The following PRKG1 variants were observed in gnomAD, a reference collection of about 807,000 sequenced individuals.
PRKG1 encodes protein kinase cGMP-dependent 1, also known as cGMP-dependent protein kinase 1.
In PRKG1, 35 loss-of-function variants were observed where a neutral mutation model predicts 88.1. That is an observed-to-expected ratio of 0.40 (90% confidence interval 0.30 to 0.53). The LOEUF (loss-of-function observed/expected upper bound fraction) is 0.53. PRKG1 is among the 20% of genes least tolerant of loss of function. The pLI is 0.59. For synonymous variants in PRKG1, 303 were observed against 292.5 expected, an observed-to-expected ratio of 1.04 and a Z score of -0.37; for missense variants, 540 against 839.8, an observed-to-expected ratio of 0.64 and a Z score of 4.41.
At chr10:51,931,775 A>C (rs1252210807) in intron 5 of PRKG1, among the ~76,000 whole-genome samples, 4 of 152,200 alleles carry the variant, frequency 2.6e-5, no homozygotes, top group Non-Finnish European at 4.4e-5. Context: ...ATAGTAAATA[A>C]ATGTTTATAA....
chr10:51,508,347 C>T (rs528815513), intron 3 of PRKG1, among the ~76,000 whole-genome samples: 5 of 152,180 alleles, frequency 3.3e-5, no homozygotes, highest in African/African-American at 1.2e-4. Flanking sequence ...TAGGGACTTT[C>T]ATGATAATAT....
chr10:51,949,152 T>A (rs1843126160), intron 5 of PRKG1, among the ~76,000 whole-genome samples: 1 of 152,168 alleles, frequency 6.6e-6, no homozygotes, highest in Admixed American at 6.6e-5. Flanking sequence ...AATGAAGGTG[T>A]CCATATAAAC....
intron 9 of PRKG1, among the ~76,000 whole-genome samples, chr10:52,229,189 A>G (rs767261517): frequency 2.0e-5 from 3 of 152,142 alleles, no homozygotes; most frequent in East Asian, 1.9e-4. Context: ...TGTCCCCCCA[A>G]TAAACATTAC....
rs568276507 is a variant in PRKG1, at chr10:51,252,009, ATATTGCATAC to A, written c.478+98689_478+98698del. On this transcript the variant is annotated intron_variant, in intron 2 of 17. Coordinates refer to ENST00000373980, the MANE Select transcript of PRKG1 (RefSeq NM_006258.4). ...ATTTATGTTGCAGATAATATGCAGT[ATATTGCATAC>A]TATTGCATATATACGTTATTAGTCT... 6.4e-3 allele frequency among the ~76,000 whole-genome samples: 973 copies of A among 151,962 alleles called. 6 individuals carry two copies. Among genetic ancestry groups the A allele is most frequent in the African/African-American group, 0.022 (910 of 41,532 alleles).
intron 7 of PRKG1, among the ~76,000 whole-genome samples, chr10:52,067,795 A>G (rs1193151683): frequency 2.6e-5 from 4 of 152,090 alleles, no homozygotes; most frequent in Admixed American, 1.3e-4. Context: ...TTTTTACAGA[A>G]GTACTCCCTT....
intron 3 of PRKG1, 123 bp from the exon 4 acceptor site, chr10:51,804,462 T>C (rs1839253522): frequency 1.5e-6 from 1 of 678,016 alleles, no homozygotes; most frequent in Non-Finnish European, 2.5e-6. Context: ...CTTTAAATGT[T>C]TGTAAAAAGT....
chr10:51,058,975 C>G (rs190066026), intron 1 of PRKG1, among the ~76,000 whole-genome samples: 1 of 152,104 alleles, frequency 6.6e-6, no homozygotes, highest in Admixed American at 6.5e-5. Flanking sequence ...AGGTTTATTT[C>G]GGAGCTCTCC....
intron 3 of PRKG1, among the ~76,000 whole-genome samples, chr10:51,571,984 A>C (rs1353017143): frequency 6.6e-6 from 1 of 151,816 alleles, no homozygotes; most frequent in African/African-American, 2.4e-5. Context: ...GATTGAGAGA[A>C]AAGGAGAGAG....
chr10:51,856,682 A>G (rs1415184276), intron 4 of PRKG1, among the ~76,000 whole-genome samples: 1 of 152,156 alleles, frequency 6.6e-6, no homozygotes. Flanking sequence ...AGGCTTAGAC[A>G]TGGCCAGGCA....
rs561410642 is a variant in PRKG1, at chr10:52,251,810, G to A, written c.1173+144G>A. ...CCTAAATCAGTTCCAAATACTTTGC[G>A]GCAGACATGTCATAATTAGACACAA... On this transcript the variant is annotated intron_variant, in intron 10 of 17. Coordinates refer to ENST00000373980, the MANE Select transcript of PRKG1 (RefSeq NM_006258.4). The A allele has an allele frequency of 5.8e-5, 39 of 674,164 alleles. No individual in the cohort carries two copies. In the South Asian group the frequency reaches 6.1e-4, roughly 11 times the overall value. 41.8% of individuals were successfully genotyped at this position (674,164 alleles called of 1,614,324 possible). A position where few individuals can be genotyped will look rare whatever the true frequency, so the allele number is the denominator to read the frequency against.
intron 2 of PRKG1, among the ~76,000 whole-genome samples, chr10:51,268,455 C>A (rs944434905): frequency 2.0e-5 from 3 of 152,114 alleles, no homozygotes; most frequent in Non-Finnish European, 4.4e-5. Context: ...GGCCTACCCT[C>A]AGGGATGCAT....
chr10:51,175,802 G>T (rs1837176089), intron 2 of PRKG1, among the ~76,000 whole-genome samples: 1 of 152,082 alleles, frequency 6.6e-6, no homozygotes, highest in Admixed American at 6.6e-5. Context: ...AGAAATTCTA[G>T]TGATGATGGC....
intron 3 of PRKG1, among the ~76,000 whole-genome samples, chr10:51,523,153 A>G (rs1841781636): frequency 6.6e-6 from 1 of 152,060 alleles, no homozygotes; most frequent in South Asian, 2.1e-4. Flanking sequence ...TTAAAATAGC[A>G]ATGTTAGGAA....
intron 3 of PRKG1, among the ~76,000 whole-genome samples, chr10:51,575,667 G>T (rs1252272007): frequency 6.6e-6 from 1 of 151,774 alleles, no homozygotes; most frequent in Non-Finnish European, 1.5e-5. Context: ...TTATATACAT[G>T]TGTATAACTG....
intron 7 of PRKG1, among the ~76,000 whole-genome samples, 174 bp from the exon 8 acceptor site, chr10:52,133,666 A>G (rs1589635951): frequency 1.3e-5 from 2 of 152,276 alleles, no homozygotes; most frequent in South Asian, 4.1e-4. Flanking sequence ...GATTAATGAC[A>G]AGGGTAAGAT....
chr10:51,757,404 C>T (rs1837898381), intron 3 of PRKG1, among the ~76,000 whole-genome samples: 1 of 151,356 alleles, frequency 6.6e-6, no homozygotes, highest in Non-Finnish European at 1.5e-5. Context: ...GCTCCCAGCC[C>T]CTCAGTGGCC....
At chr10:51,279,704 G>T (rs1269405183) in intron 2 of PRKG1, among the ~76,000 whole-genome samples, 3 of 151,736 alleles carry the variant, frequency 2.0e-5, no homozygotes, top group African/African-American at 7.3e-5. Context: ...TGCAACCCCT[G>T]CCTTTGTTTT....
intron 2 of PRKG1, among the ~76,000 whole-genome samples, chr10:51,313,225 G>A (rs1056552591): frequency 1.3e-5 from 2 of 152,024 alleles, no homozygotes; most frequent in Non-Finnish European, 2.9e-5. Context: ...GGGAAGAGGG[G>A]CCATAACCTG....
intron 9 of PRKG1, among the ~76,000 whole-genome samples, chr10:52,243,247 C>A (rs1478596435): frequency 6.6e-6 from 1 of 152,114 alleles, no homozygotes; most frequent in African/African-American, 2.4e-5. Flanking sequence ...AGTAAAAGAA[C>A]ATATTACTCA....
Sources: gnomAD v4.1 joint callset for allele counts (sites outside exome capture counted in the v4.1 genomes callset) on GRCh38, gnomAD v4.1.1 for gene constraint, MANE v1.5 for transcripts, NCBI Gene and HGNC (gene_info 2026-07-23, HGNC 2026-07-21) for gene names.